Variants in ADGRG2 observed in about 807,000 individuals in gnomAD.
ADGRG2 encodes the protein G protein-coupled receptor 64.
A neutral mutation model predicts 74.1 loss-of-function variants in ADGRG2; 26 were observed. The ratio of observed to expected loss-of-function variants is 0.35; its 90% CI spans 0.26 to 0.49. The LOEUF is 0.49. Among genes scored for constraint, ADGRG2 ranks in the 20% least tolerant of loss-of-function variants. The probability of loss-of-function intolerance (pLI) is 0.99; values close to 1 mark genes in which losing one functional copy is unlikely to be tolerated. For missense variants in ADGRG2, 619 were observed against 763.1 expected (o/e 0.81, Z 2.22); for synonymous variants, 296 against 295.2 (o/e 1.00, Z -0.03).
Position 19,006,271 on chromosome X carries a change from G to A in ADGRG2, c.1690-6C>T. ...CATCTCACTGTTAACTCATCCTGTGGTAGAAAGATAAATCACACATAATTA... is the reference window on the plus strand; with the variant it reads ...CATCTCACTGTTAACTCATCCTGTGATAGAAAGATAAATCACACATAATTA... On this transcript the variant is annotated splice_region_variant and splice_polypyrimidine_tract_variant and intron_variant, in intron 20 of 28. Coordinates refer to ENST00000379869, the MANE Select transcript of ADGRG2 (RefSeq NM_001079858.3). The A allele has an allele frequency of 9.0e-7, 1 of 1,106,045 alleles. No individual in the cohort carries two copies. Among genetic ancestry groups the A allele is most frequent in the Non-Finnish European group, 1.2e-6 (1 of 806,302 alleles). 91.2% of individuals were successfully genotyped at this position (1,106,045 alleles called of 1,213,427 possible). A position where few individuals can be genotyped will look rare whatever the true frequency, so the allele number is the denominator to read the frequency against.
At chrX:19,005,552 CT>C (rs2060211563) in intron 22 of ADGRG2, among the ~76,000 whole-genome samples, 1 of 103,943 alleles carries the variant, frequency 9.6e-6, no homozygotes, top group Non-Finnish European at 1.9e-5. Context: ...GAATCTCTCT[CT>C]CTTTTTTTTT....
At chrX:19,010,215 G>A (rs2060327977) in intron 17 of ADGRG2, among the ~76,000 whole-genome samples, 2 of 108,458 alleles carry the variant, frequency 1.8e-5, no homozygotes, top group African/African-American at 6.7e-5. Context: ...CCACCTCCTG[G>A]GTTCAAGTGA....
chrX:19,037,930 A>G (rs953290621), intron 4 of ADGRG2, among the ~76,000 whole-genome samples: 8 of 112,112 alleles, frequency 7.1e-5, no homozygotes, highest in Admixed American at 4.7e-4. Flanking sequence ...TACAAGAAAT[A>G]CTACTTTAAA....
At chrX:19,093,777 C>T (rs895479535) in intron 1 of ADGRG2, among the ~76,000 whole-genome samples, 2 of 111,478 alleles carry the variant, frequency 1.8e-5, no homozygotes, top group Non-Finnish European at 3.8e-5. Flanking sequence ...ATGCAAATTT[C>T]AATGACTGTG....
intron 3 of ADGRG2, among the ~76,000 whole-genome samples, chrX:19,057,839 T>C (rs905402637): frequency 1.8e-5 from 2 of 111,308 alleles, no homozygotes; most frequent in African/African-American, 6.5e-5. Context: ...ACCCTGTCTC[T>C]AAAAAATAAA....
At chrX:19,004,984 A>C in intron 22 of ADGRG2, 105 bp from the exon 23 acceptor site, 1 of 555,684 alleles carries the variant, frequency 1.8e-6, no homozygotes. Flanking sequence ...TATTCAACAA[A>C]CCTATGAGGT....
At chrX:19,106,830 G>GA (rs1276618269) in intron 1 of ADGRG2, among the ~76,000 whole-genome samples, 1 of 109,625 alleles carries the variant, frequency 9.1e-6, no homozygotes, top group Non-Finnish European at 1.9e-5. Flanking sequence ...TGAGGCATGA[G>GA]AATCACTTGA....
At chrX:19,052,644 TTA>T (rs781102451) in intron 3 of ADGRG2, among the ~76,000 whole-genome samples, 1 of 108,642 alleles carries the variant, frequency 9.2e-6, no homozygotes. Flanking sequence ...ATATATACGT[TTA>T]TATATATATA....
At chrX:19,036,110 T>A in intron 6 of ADGRG2, 133 bp from the exon 7 acceptor site, 1 of 371,427 alleles carries the variant, frequency 2.7e-6, no homozygotes, top group Non-Finnish European at 4.7e-6. Context: ...CAACTGACAC[T>A]ACTAAATGTT....
At position 18,995,041 on chromosome X, in the gene ADGRG2, A is replaced by G; in HGVS notation, c.2724T>C (p.Ser908=). The G allele has an allele frequency of 8.4e-7, 1 of 1,193,489 alleles. No homozygotes were observed. Among genetic ancestry groups the G allele is most frequent in the Non-Finnish European group, 1.1e-6 (1 of 882,737 alleles). Residue 908 remains serine (S), a synonymous_variant, in exon 28 of 29, where the codon AGT becomes AGC. Transcript: ENST00000379869. ...TCTTTAAACCATTAGTAGCAGTTTT[A>G]CTCCAGTCTACAGCAGAATAAGCAT... ...KLRLAENSDW[S]KTATNGLKKQ...
intron 13 of ADGRG2, 95 bp from the exon 14 acceptor site, chrX:19,021,293 G>C (rs1257454618): frequency 1.1e-5 from 6 of 532,043 alleles, no homozygotes; most frequent in African/African-American, 2.3e-5. Flanking sequence ...TGAGGAAAGG[G>C]GACACTGATA....
At chrX:19,084,167 C>G (rs1285621300) in intron 1 of ADGRG2, among the ~76,000 whole-genome samples, 1 of 111,183 alleles carries the variant, frequency 9.0e-6, no homozygotes, top group Non-Finnish European at 1.9e-5. Context: ...ATGGATGGAG[C>G]TGGAAGCCAT....
chrX:19,022,680 G>T (rs1465639163), intron 13 of ADGRG2, among the ~76,000 whole-genome samples: 1 of 111,601 alleles, frequency 9.0e-6, no homozygotes, highest in African/African-American at 3.3e-5. Context: ...TTCTTAATTT[G>T]TTCTTTTCTC....
intron 1 of ADGRG2, among the ~76,000 whole-genome samples, chrX:19,094,636 G>A (rs1163285818): frequency 3.6e-5 from 4 of 112,539 alleles, no homozygotes; most frequent in African/African-American, 1.3e-4. Flanking sequence ...GTCTTGCAGT[G>A]GCTGGCTGGC....
At chrX:19,107,744 G>C (rs1730023649) in intron 1 of ADGRG2, among the ~76,000 whole-genome samples, 1 of 107,645 alleles carries the variant, frequency 9.3e-6, no homozygotes, top group Non-Finnish European at 1.9e-5. Flanking sequence ...ATTTTAAAAT[G>C]ATGATATGAT....
chrX:19,077,996 T>A (rs770371331), intron 2 of ADGRG2, among the ~76,000 whole-genome samples: 1 of 111,976 alleles, frequency 8.9e-6, no homozygotes, highest in Non-Finnish European at 1.9e-5. Context: ...AATATTTGAA[T>A]CACACATTTA....
intron 3 of ADGRG2, among the ~76,000 whole-genome samples, chrX:19,043,474 A>G (rs2061113144): frequency 8.9e-6 from 1 of 112,397 alleles, no homozygotes; most frequent in Non-Finnish European, 1.9e-5. Flanking sequence ...AAGGAAAAAC[A>G]TTTAAAATTT....
At chrX:19,065,186 C>T (rs1010482348) in intron 3 of ADGRG2, among the ~76,000 whole-genome samples, 12 of 102,423 alleles carry the variant, frequency 1.2e-4, no homozygotes, top group Admixed American at 1.1e-3. Context: ...GGAAGGAACA[C>T]CTGAGCCCGG....
At chrX:19,120,715 A>T (rs1233170348) in intron 1 of ADGRG2, among the ~76,000 whole-genome samples, 1 of 112,256 alleles carries the variant, frequency 8.9e-6, no homozygotes, top group African/African-American at 3.2e-5. Flanking sequence ...TTGTTCAAAA[A>T]TTAAGAATTT....
Sources: gnomAD v4.1 joint callset for allele counts (sites outside exome capture counted in the v4.1 genomes callset) on GRCh38, gnomAD v4.1.1 for gene constraint, MANE v1.5 for transcripts, NCBI Gene and HGNC (gene_info 2026-07-23, HGNC 2026-07-21) for gene names.